Variants in NBEA observed in about 807,000 individuals in gnomAD.
The protein encoded by NBEA is neurobeachin, also known as lysosomal-trafficking regulator 2.
NBEA carries 44 observed loss-of-function variants against 343.4 expected under a neutral mutation model. That is an observed-to-expected ratio of 0.13 (90% CI 0.10 to 0.16). The LOEUF is 0.16. NBEA is among the 10% of genes least tolerant of loss of function. The pLI is 1.00. For missense variants in NBEA, 2,555 were observed against 3,631.3 expected (o/e 0.70, Z 7.62); for synonymous variants, 1,175 against 1,238.7 (o/e 0.95, Z 1.08).
intron 1 of NBEA, among the ~76,000 whole-genome samples, chr13:35,017,232 T>C (rs2061688854): frequency 6.6e-6 from 1 of 152,182 alleles, no homozygotes; most frequent in African/African-American, 2.4e-5. Context: ...AGCAGGAATC[T>C]GTTGTTTCTA....
At chr13:35,341,413 CT>C (rs1238391099) in intron 36 of NBEA, among the ~76,000 whole-genome samples, 4 of 151,920 alleles carry the variant, frequency 2.6e-5, no homozygotes, top group Non-Finnish European at 5.9e-5. Flanking sequence ...AAATTTAAAA[CT>C]TGTGTGTCAA....
chr13:35,650,683 C>G (rs766019414), intron 52 of NBEA, among the ~76,000 whole-genome samples: 1 of 152,148 alleles, frequency 6.6e-6, no homozygotes, highest in Non-Finnish European at 1.5e-5. Flanking sequence ...GCCTGGACGA[C>G]AAAGTGAGAC....
intron 36 of NBEA, among the ~76,000 whole-genome samples, chr13:35,321,686 C>T (rs1408743285): frequency 1.3e-5 from 2 of 152,172 alleles, no homozygotes. Context: ...TCTGCTGAAG[C>T]TGCACCCACA....
At chr13:35,454,383 T>C (rs1374760675) in intron 40 of NBEA, among the ~76,000 whole-genome samples, 2 of 152,240 alleles carry the variant, frequency 1.3e-5, no homozygotes, top group African/African-American at 4.8e-5. Context: ...AAGATGCAGA[T>C]TACATCAATA....
intron 1 of NBEA, among the ~76,000 whole-genome samples, chr13:34,946,472 A>C (rs1412629459): frequency 6.6e-6 from 1 of 152,090 alleles, no homozygotes; most frequent in African/African-American, 2.4e-5. Flanking sequence ...ATAGAGGATT[A>C]ATATTTACTT....
intron 34 of NBEA, among the ~76,000 whole-genome samples, chr13:35,247,156 G>A (rs796962596): frequency 5.5e-4 from 83 of 152,278 alleles, no homozygotes; most frequent in African/African-American, 1.9e-3. Context: ...ACAGCATCAA[G>A]TTTGTTTCCA....
At chr13:35,349,800 A>T (rs1187473143) in intron 37 of NBEA, among the ~76,000 whole-genome samples, 2 of 152,122 alleles carry the variant, frequency 1.3e-5, no homozygotes, top group Non-Finnish European at 2.9e-5. Context: ...ATCAGAGCCC[A>T]CAATTCTAGT....
chr13:34,964,216 G>A (rs1049404906), intron 1 of NBEA, among the ~76,000 whole-genome samples: 7 of 151,914 alleles, frequency 4.6e-5, no homozygotes, highest in Non-Finnish European at 8.8e-5. Context: ...GGTAACTATC[G>A]TGTTTACTAT....
chr13:35,044,394 C>T (rs574319233), intron 2 of NBEA, among the ~76,000 whole-genome samples: 113 of 152,018 alleles, frequency 7.4e-4, no homozygotes, highest in Non-Finnish European at 1.1e-3. Context: ...ATCTGTAAAC[C>T]ACTTGGAATA....
rs542365846 is a variant in NBEA, at chr13:35,520,135, T to C, written c.6586-30342T>C. Among the ~76,000 whole-genome samples, 23 of 152,332 alleles carry C rather than the reference T, an allele frequency of 1.5e-4. No individual in the cohort carries two copies. The South Asian group carries it at 4.6e-3, about 30-fold the overall frequency. On this transcript the variant is annotated intron_variant, in intron 41 of 58. Transcript: ENST00000379939. ...GAGCATCCAACCTAGATCCCTCACA[T>C]GCGCAGTTCACAACAGGGTTTGCGC...
intron 41 of NBEA, among the ~76,000 whole-genome samples, chr13:35,544,492 G>A (rs1347955150): frequency 1.3e-5 from 2 of 152,168 alleles, no homozygotes; most frequent in African/African-American, 4.8e-5. Context: ...CGATACGCAT[G>A]AGTGCACAGC....
intron 34 of NBEA, among the ~76,000 whole-genome samples, chr13:35,241,528 A>G (rs547072608): frequency 2.6e-5 from 4 of 151,972 alleles, no homozygotes; most frequent in South Asian, 4.1e-4. Context: ...ACAAAAGCGT[A>G]AAGTGTAGAG....
At chr13:35,653,171 G>A (rs534553634) in intron 53 of NBEA, among the ~76,000 whole-genome samples, 7 of 152,050 alleles carry the variant, frequency 4.6e-5, no homozygotes, top group South Asian at 2.1e-4. Context: ...TTAGTCTTTC[G>A]AGGCCCTTCC....
chr13:35,671,094 T>C lies in NBEA; in HGVS notation c.*103T>C. The C allele has an allele frequency of 1.4e-6, 1 of 740,218 alleles. No homozygotes were observed. Among genetic ancestry groups the C allele is most frequent in the South Asian group, 1.6e-5 (1 of 61,148 alleles). The allele number at this position is 740,218 out of a possible 1,614,324, so 45.9% of individuals were successfully genotyped here. A position where few individuals can be genotyped will look rare whatever the true frequency, so the allele number is the denominator to read the frequency against. On this transcript the variant is annotated 3_prime_UTR_variant, in exon 59 of 59. Transcript: ENST00000379939. ...AAAACTCGTCTACATCGACCTCCGTTTGTACATTCCATCACACCCAGCAAT... is the reference window on the plus strand; with the variant it reads ...AAAACTCGTCTACATCGACCTCCGTCTGTACATTCCATCACACCCAGCAAT...
At chr13:35,468,636 T>G (rs916947803) in intron 40 of NBEA, among the ~76,000 whole-genome samples, 7 of 152,090 alleles carry the variant, frequency 4.6e-5, no homozygotes, top group African/African-American at 1.7e-4. Flanking sequence ...TTAACACCCC[T>G]AAGTCACCCC....
chr13:35,171,112 A>G (rs1316657851), intron 25 of NBEA, 160 bp from the exon 26 acceptor site: 2 of 779,526 alleles, frequency 2.6e-6, no homozygotes, highest in Non-Finnish European at 4.5e-6. Flanking sequence ...GAATTTGGTA[A>G]CCAGCTCTGG....
chr13:35,046,575 A>G (rs903608277), intron 4 of NBEA, among the ~76,000 whole-genome samples: 6 of 152,124 alleles, frequency 3.9e-5, no homozygotes, highest in African/African-American at 1.4e-4. Flanking sequence ...AATACATACT[A>G]TGGTTTTTTC....
intron 40 of NBEA, among the ~76,000 whole-genome samples, chr13:35,459,633 C>A (rs975475061): frequency 1.1e-4 from 17 of 152,036 alleles, no homozygotes; most frequent in Non-Finnish European, 2.5e-4. Flanking sequence ...GGCAGTTAGA[C>A]CTTCAGTGTC....
intron 33 of NBEA, among the ~76,000 whole-genome samples, chr13:35,229,150 C>G (rs573972843): frequency 6.6e-6 from 1 of 152,136 alleles, no homozygotes; most frequent in Non-Finnish European, 1.5e-5. Context: ...CTTGCCTCAA[C>G]CTTTTGAGTA....
Sources: allele counts gnomAD v4.1 joint callset (sites outside exome capture counted in the v4.1 genomes callset), GRCh38; gene constraint gnomAD v4.1.1; transcripts MANE v1.5; gene names NCBI Gene and HGNC (gene_info 2026-07-23, HGNC 2026-07-21).